The following RBFOX1 variants were observed in gnomAD, a reference collection of about 807,000 sequenced individuals.
RBFOX1 encodes RNA binding fox-1 homolog 1.
In RBFOX1, 8 loss-of-function variants were observed where a neutral mutation model predicts 57.7. That is an observed-to-expected ratio of 0.14 (90% CI 0.08 to 0.25). The LOEUF (loss-of-function observed/expected upper bound fraction) is 0.25. RBFOX1 is among the 10% of genes least tolerant of loss of function. The pLI, the probability that RBFOX1 is intolerant of heterozygous loss-of-function variation, is 1.00. For missense variants in RBFOX1, 611 were observed against 548.5 expected (o/e 1.11, Z -1.14); for synonymous variants, 326 against 222.4 (o/e 1.47, Z -4.15).
chr16:5,899,800 A>G (rs2058263034), intron 4 of RBFOX1, among the ~76,000 whole-genome samples: 1 of 152,206 alleles, frequency 6.6e-6, no homozygotes, highest in South Asian at 2.1e-4. Context: ...ATGGCCCGGC[A>G]TGGTGGCTTA....
At chr16:5,641,339 C>T (rs1266201307) in intron 3 of RBFOX1, among the ~76,000 whole-genome samples, 3 of 152,196 alleles carry the variant, frequency 2.0e-5, no homozygotes, top group African/African-American at 7.2e-5. Flanking sequence ...GCAATATATT[C>T]TAGCAAGGAA....
chr16:6,897,415 G>C (rs1166412117), intron 3 of RBFOX1, among the ~76,000 whole-genome samples: 1 of 151,444 alleles, frequency 6.6e-6, no homozygotes, highest in Non-Finnish European at 1.5e-5. Flanking sequence ...ACACACAAAA[G>C]GAAACATTTG....
chr16:7,379,396 A>T (rs2097747186), intron 4 of RBFOX1, among the ~76,000 whole-genome samples: 1 of 152,216 alleles, frequency 6.6e-6, no homozygotes, highest in South Asian at 2.1e-4. Context: ...CGAATAAGAA[A>T]ATAGAACACT....
chr16:6,781,229 A>G (rs577017250), intron 3 of RBFOX1, among the ~76,000 whole-genome samples: 2 of 152,264 alleles, frequency 1.3e-5, no homozygotes, highest in South Asian at 4.1e-4. Flanking sequence ...GATATGTCAC[A>G]TTTATTGATT....
chr16:7,094,759 T>TGTGTGTGTGTGTGG (rs1555466407), intron 4 of RBFOX1, among the ~76,000 whole-genome samples: 5 of 136,258 alleles, frequency 3.7e-5, no homozygotes, highest in Non-Finnish European at 6.5e-5. Flanking sequence ...TGTGTGTGTG[T>TGTGTGTGTGTGTGG]GTGTGTGTGT....
Position 7,251,267 on chromosome 16 carries a change from A to G in RBFOX1, c.27+199169A>G, listed in dbSNP as rs149372449. 5.3e-5 allele frequency among the ~76,000 whole-genome samples: 8 copies of G among 152,116 alleles called. No individual in the cohort carries two copies. In the East Asian group the frequency reaches 1.5e-3, roughly 29 times the overall value. ...CTACATGTAAGTGAAATCACGCAGT[A>G]TTTGTTCTTCTGTGTGTGGCTTATT... On this transcript the variant is annotated intron_variant, in intron 4 of 15. Coordinates refer to ENST00000550418, the MANE Select transcript of RBFOX1 (RefSeq NM_018723.4).
intron 2 of RBFOX1, among the ~76,000 whole-genome samples, chr16:6,429,086 G>A (rs1357641848): frequency 2.0e-5 from 3 of 152,204 alleles, no homozygotes; most frequent in African/African-American, 2.4e-5. Flanking sequence ...AGGCATCCTT[G>A]TGTGGGGGAT....
intron 3 of RBFOX1, among the ~76,000 whole-genome samples, chr16:6,667,214 T>C (rs1044057490): frequency 6.6e-6 from 1 of 152,076 alleles, no homozygotes; most frequent in African/African-American, 2.4e-5. Flanking sequence ...AAACGACAGA[T>C]GATGAGAAGC....
At chr16:6,608,166 A>C (rs748609039) in intron 2 of RBFOX1, among the ~76,000 whole-genome samples, 1 of 152,198 alleles carries the variant, frequency 6.6e-6, no homozygotes, top group Non-Finnish European at 1.5e-5. Context: ...AACTCTTACC[A>C]GACCTATTTT....
At chr16:6,211,832 A>G (rs922272588) in intron 1 of RBFOX1, among the ~76,000 whole-genome samples, 31 of 149,390 alleles carry the variant, frequency 2.1e-4, no homozygotes, top group Non-Finnish European at 3.6e-4. Flanking sequence ...TTATTTATTT[A>G]TTTATTTATT....
rs543883498 is a variant in RBFOX1, at chr16:5,909,985, G to A, written c.351+42650G>A. Among the ~76,000 whole-genome samples, 8 of 152,132 alleles carry A rather than the reference G, an allele frequency of 5.3e-5. No homozygotes were observed. In the East Asian group the frequency reaches 1.2e-3, roughly 22 times the overall value. ...GGAGAGTCACTTGAACCTGGGAGGC[G>A]GAGGTTGCAGTGAGCCAAGATTGTG... On this transcript the variant is annotated intron_variant, in intron 4 of 19. Transcript: ENST00000641259.
chr16:7,411,918 AAAAAAAG>A (rs2098431536), intron 4 of RBFOX1, among the ~76,000 whole-genome samples: 1 of 151,530 alleles, frequency 6.6e-6, no homozygotes, highest in East Asian at 2.0e-4. Flanking sequence ...AAAAAAAAAA[AAAAAAAG>A]ATAGGGAAAA....
chr16:5,319,146 C>CAAACAAACAAAA (rs1555488954), intron 1 of RBFOX1, among the ~76,000 whole-genome samples: 3 of 150,692 alleles, frequency 2.0e-5, no homozygotes, highest in African/African-American at 5.0e-5. Context: ...AACAAACAAA[C>CAAACAAACAAAA]AAACAAAAAA....
chr16:5,424,794 C>G (rs1292983167), intron 1 of RBFOX1, among the ~76,000 whole-genome samples: 1 of 151,832 alleles, frequency 6.6e-6, no homozygotes, highest in Non-Finnish European at 1.5e-5. Flanking sequence ...GAAGTCCAGG[C>G]TCATGGTGTC....
rs57039390 is a variant in RBFOX1, at chr16:6,995,290, TTGTGTGTG to T, written c.-15-56733_-15-56726del. Among the ~76,000 whole-genome samples, 476 of 138,410 alleles carry T rather than the reference TTGTGTGTG, an allele frequency of 3.4e-3. 1 individual carries two copies. The highest frequency in any genetic ancestry group is 8.9e-3 in the African/African-American group (328 of 36,960). 90.8% of individuals were successfully genotyped at this position (138,410 alleles called of 152,430 possible). A position where few individuals can be genotyped will look rare whatever the true frequency, so the allele number is the denominator to read the frequency against. ...AAATGACTATGATCTGAAAGTAGCCTTGTGTGTGTGTGTGTGTGTGTGTGTGTGTGTGT... is the reference window on the plus strand; with the variant it reads ...AAATGACTATGATCTGAAAGTAGCCTTGTGTGTGTGTGTGTGTGTGTGTGT... On this transcript the variant is annotated intron_variant, in intron 3 of 15. Coordinates refer to ENST00000550418, the MANE Select transcript of RBFOX1 (RefSeq NM_018723.4).
In RBFOX1 at chr16:6,752,687, C is replaced by T. The variant is rs1386960272; in HGVS notation, c.-16+98037C>T. ...TAACTCTAACACACACACCTTTCTG[C>T]GTATCGGTTTCATGCAACAGGTGCA... On this transcript the variant is annotated intron_variant, in intron 3 of 15. Transcript: ENST00000550418. 8.5e-5 allele frequency among the ~76,000 whole-genome samples: 13 copies of T among 152,180 alleles called. No homozygotes were observed. The East Asian group carries it at 1.2e-3, about 14-fold the overall frequency.
chr16:6,753,604 T>C (rs2075314204), intron 3 of RBFOX1, among the ~76,000 whole-genome samples: 1 of 152,192 alleles, frequency 6.6e-6, no homozygotes. Context: ...TCAACTCCTG[T>C]AAGTAGAACC....
intron 4 of RBFOX1, among the ~76,000 whole-genome samples, chr16:5,949,611 G>T (rs896335911): frequency 6.7e-6 from 1 of 149,726 alleles, no homozygotes; most frequent in Non-Finnish European, 1.5e-5. Context: ...CGAGTCTTTT[G>T]TGTTGTAGCA....
chr16:5,937,891 A>C (rs929033895), intron 4 of RBFOX1, among the ~76,000 whole-genome samples: 4 of 151,760 alleles, frequency 2.6e-5, no homozygotes, highest in African/African-American at 9.7e-5. Flanking sequence ...ATATTGCAAA[A>C]TGTGGTTTTC....
Sources: gnomAD v4.1 joint callset for allele counts (sites outside exome capture counted in the v4.1 genomes callset) on GRCh38, gnomAD v4.1.1 for gene constraint, MANE v1.5 for transcripts, NCBI Gene and HGNC (gene_info 2026-07-23, HGNC 2026-07-21) for gene names.